XDH: variants seen among roughly 807,000 people sequenced by gnomAD.
XDH encodes xanthine dehydrogenase, also known as xanthine dehydrogenase/oxidase.
Under a neutral mutation model 156.1 loss-of-function variants are expected in XDH, and 138 were observed. The ratio of observed to expected loss-of-function variants is 0.88; its 90% CI spans 0.77 to 1.02. The LOEUF (loss-of-function observed/expected upper bound fraction) is 1.02, where lower values mean the gene tolerates loss of function less well. Among genes scored for constraint, XDH ranks in the 50% least tolerant of loss-of-function variants. The probability of loss-of-function intolerance (pLI) is 0.00; values close to 1 mark genes in which losing one functional copy is unlikely to be tolerated. For synonymous variants in XDH, 669 were observed against 625.7 expected, an observed-to-expected ratio of 1.07 and a Z score of -1.03; for missense variants, 1,849 against 1,684.9, an observed-to-expected ratio of 1.10 and a Z score of -1.71.
intron 6 of XDH, among the ~76,000 whole-genome samples, chr2:31,396,062 T>C (rs1686894175): frequency 6.6e-6 from 1 of 152,164 alleles, no homozygotes. Flanking sequence ...TAGAGCTGTG[T>C]GTAAAATAAA....
chr2:31,352,199 G>C (rs1259981628), intron 24 of XDH, among the ~76,000 whole-genome samples: 1 of 151,922 alleles, frequency 6.6e-6, no homozygotes, highest in Non-Finnish European at 1.5e-5. Context: ...TGGGAGATTT[G>C]TCAAGTTTCT....
intron 27 of XDH, 42 bp from the exon 28 acceptor site, chr2:31,348,405 T>C (rs1400573690): frequency 6.3e-7 from 1 of 1,592,506 alleles, no homozygotes; most frequent in Non-Finnish European, 8.6e-7. Context: ...TTCAGTAAAA[T>C]CCAACTCATT....
At chr2:31,349,501 T>G (rs1390630255) in intron 26 of XDH, among the ~76,000 whole-genome samples, 185 bp downstream of exon 26, 2 of 152,196 alleles carry the variant, frequency 1.3e-5, no homozygotes, top group Non-Finnish European at 2.9e-5. Flanking sequence ...TTGCAGGCTG[T>G]GAGCCCACCT....
chr2:31,335,696 A>T lies in XDH; in HGVS notation c.*262T>A, dbSNP rs372592687. 243 of 579,178 alleles carry T rather than the reference A, an allele frequency of 4.2e-4. 1 individual carries two copies. Among genetic ancestry groups the T allele is most frequent in the African/African-American group, 4.1e-3 (222 of 53,666 alleles). 35.9% of individuals were successfully genotyped at this position (579,178 alleles called of 1,614,324 possible). On this transcript the variant is annotated 3_prime_UTR_variant, in exon 36 of 36. Transcript: ENST00000379416. ...CCCTTCCCGACCCTATTCCAGATAC[A>T]TGATTAAAACAGACAGAAAATGATC...
intron 24 of XDH, 96 bp downstream of exon 24, chr2:31,364,062 G>C: frequency 8.6e-7 from 1 of 1,165,792 alleles, no homozygotes; most frequent in Non-Finnish European, 1.3e-6. Context: ...TACTGCAACA[G>C]TAGCAAGCAG....
chr2:31,368,123 A>G (rs1406402648), intron 19 of XDH, 66 bp from the exon 20 acceptor site: 7 of 1,416,900 alleles, frequency 4.9e-6, no homozygotes, highest in Non-Finnish European at 7.0e-6. Flanking sequence ...GGTTCTGATT[A>G]GGGAAAGAGA....
At chr2:31,397,579 C>A (rs767884231) in intron 6 of XDH, 89 bp downstream of exon 6, 159 of 1,486,376 alleles carry the variant, frequency 1.1e-4, no homozygotes, top group Admixed American at 1.8e-4. Flanking sequence ...GTTTGTAGAC[C>A]AGAGGCCCTT....
chr2:31,371,948 C>T (rs868858038), intron 17 of XDH, among the ~76,000 whole-genome samples: 8 of 152,246 alleles, frequency 5.3e-5, no homozygotes, highest in Admixed American at 6.5e-5. Context: ...AACACAGTTG[C>T]TCACGTTGCT....
At chr2:31,399,118 T>C (rs1056220669) in intron 4 of XDH, among the ~76,000 whole-genome samples, 5 of 152,204 alleles carry the variant, frequency 3.3e-5, no homozygotes, top group Non-Finnish European at 7.3e-5. Context: ...AGGTGATGTC[T>C]AGATTTTTGT....
In XDH at chr2:31,347,564, C is replaced by T. The variant is rs111951522; in HGVS notation, c.3234G>A (p.Thr1078=). The T allele has an allele frequency of 3.8e-5, 62 of 1,614,068 alleles. 3 individuals are homozygous for T. Among genetic ancestry groups the T allele is most frequent in the African/African-American group, 2.0e-4 (15 of 75,006 alleles). ...TGAGGTCAGCGCTGACAGAGGCAGC[C>T]GTGGGAGAGGTGTTGGGCACAGTGT... ...STNTVPNTSP[T]AASVSADLNG... The change falls in exon 29 of 36, where the codon ACG becomes ACA. Residue 1078 remains threonine (T), a synonymous_variant. Coordinates refer to ENST00000379416, the MANE Select transcript of XDH (RefSeq NM_000379.4).
intron 29 of XDH, 80 bp downstream of exon 29, chr2:31,347,442 T>C (rs1276789541): frequency 2.1e-5 from 33 of 1,604,130 alleles, no homozygotes; most frequent in Non-Finnish European, 2.7e-5. Context: ...GGAACCCTTC[T>C]AGCTCCCACC....
At chr2:31,409,915 A>C (rs918180377) in intron 1 of XDH, among the ~76,000 whole-genome samples, 1 of 152,232 alleles carries the variant, frequency 6.6e-6, no homozygotes, top group Admixed American at 6.5e-5. Context: ...AATTGAAGTC[A>C]GGGTCTCAGA....
chr2:31,373,532 GGTTTGTTT>G (rs71405565), intron 16 of XDH, among the ~76,000 whole-genome samples: 14,965 of 149,810 alleles, frequency 0.1, 1,415 homozygotes, highest in African/African-American at 0.25. Context: ...GCAGATAGAT[GGTTTGTTT>G]GTTTGTTTGT....
In XDH at chr2:31,339,586, C is replaced by T. The variant is rs770177408; in HGVS notation, c.3677G>A (p.Ser1226Asn). 8.5e-5 allele frequency: 138 copies of T among 1,614,064 alleles called. No homozygotes were observed. The highest frequency in any genetic ancestry group is 1.1e-4 in the Non-Finnish European group (135 of 1,180,036). The change falls in exon 34 of 36, where the codon AGC (serine) becomes AAC (asparagine). Residue 1226 changes from serine to asparagine, a missense_variant. Ser to Asn is a conservative substitution (Grantham distance 46, BLOSUM62 1). Transcript: ENST00000379416. The stretch of plus-strand genomic sequence containing the variant: ...GCCAAATGCCGGGATCTTGTAGGTG[C>T]TAGGGCCACGGGTGTGCAGGCTCCC... ...PEGSLHTRGP[S>N]TYKIPAFGSI...
chr2:31,400,618 A>G (rs935725456), intron 4 of XDH, among the ~76,000 whole-genome samples: 3 of 152,168 alleles, frequency 2.0e-5, no homozygotes, highest in African/African-American at 7.2e-5. Context: ...CATTTGCCCC[A>G]GAAATGTTTC....
At chr2:31,341,934 ATC>A (rs1340358655) in intron 32 of XDH, among the ~76,000 whole-genome samples, 1 of 152,216 alleles carries the variant, frequency 6.6e-6, no homozygotes, top group Non-Finnish European at 1.5e-5. Flanking sequence ...AGTCACACTT[ATC>A]TGTTTACAAG....
rs775110428 is a variant in XDH, at chr2:31,364,144, C to T, written c.2631+14G>A. ...TCAGCTCTGGGTGCAGGGGCGGCTG[C>T]AGGTCCTACTCACACTCTGAGAGAG... is the stretch of plus-strand genomic sequence containing the variant. On this transcript the variant is annotated intron_variant, in intron 24 of 35. Coordinates refer to ENST00000379416, the MANE Select transcript of XDH (RefSeq NM_000379.4). The T allele has an allele frequency of 6.2e-7, 1 of 1,613,440 alleles. No individual in the cohort carries two copies. Among genetic ancestry groups the T allele is most frequent in the Non-Finnish European group, 8.5e-7 (1 of 1,179,856 alleles).
In XDH at chr2:31,336,017, G is replaced by A. The variant is rs758286447; in HGVS notation, c.3952-9C>T. 7 of 1,614,032 alleles carry A rather than the reference G, an allele frequency of 4.3e-6. No individual in the cohort carries two copies. Among genetic ancestry groups the A allele is most frequent in the East Asian group, 2.2e-5 (1 of 44,880 alleles). ...GGGACACCAGTGACACACTAGGAAG[G>A]AATGATAGTGTTCTCATTGCCAGGG... On this transcript the variant is annotated splice_polypyrimidine_tract_variant and intron_variant, in intron 35 of 35. Coordinates refer to ENST00000379416, the MANE Select transcript of XDH (RefSeq NM_000379.4).
intron 5 of XDH, 64 bp downstream of exon 5, chr2:31,398,509 G>A: frequency 8.1e-6 from 13 of 1,609,754 alleles, no homozygotes; most frequent in Non-Finnish European, 1.1e-5. Flanking sequence ...CCTGGCACTT[G>A]CCCTGACCTC....
Sources: gnomAD v4.1 joint callset for allele counts (sites outside exome capture counted in the v4.1 genomes callset) on GRCh38, gnomAD v4.1.1 for gene constraint, MANE v1.5 for transcripts, NCBI Gene and HGNC (gene_info 2026-07-23, HGNC 2026-07-21) for gene names.